Variants in PTPRD observed in about 807,000 individuals in gnomAD.
PTPRD encodes protein tyrosine phosphatase receptor type D.
In PTPRD, 34 loss-of-function variants were observed where a neutral mutation model predicts 214.5. The observed-to-expected ratio is 0.16, with a 90% CI of 0.12 to 0.21. PTPRD has a LOEUF of 0.21. Among genes scored for constraint, PTPRD ranks in the 10% least tolerant of loss-of-function variants. PTPRD has a pLI of 1.00. For missense variants in PTPRD, 2,545 were observed against 2,398.7 expected, an observed-to-expected ratio of 1.06 and a Z score of -1.27; for synonymous variants, 1,128 against 845.7, an observed-to-expected ratio of 1.33 and a Z score of -5.79.
intron 2 of PTPRD, among the ~76,000 whole-genome samples, chr9:10,414,674 A>G (rs2098470285): frequency 6.6e-6 from 1 of 151,966 alleles, no homozygotes; most frequent in South Asian, 2.1e-4. Context: ...AATAGCAAAG[A>G]CATGAAATTA....
chr9:10,386,922 A>G (rs1453144831), intron 2 of PTPRD, among the ~76,000 whole-genome samples: 2 of 151,794 alleles, frequency 1.3e-5, no homozygotes, highest in East Asian at 2.0e-4. Flanking sequence ...CCCAAAGGTC[A>G]TTACAAGATG....
rs749314092 is a variant in PTPRD, at chr9:10,063,441, G to A, written c.-544-29651C>T. Among the ~76,000 whole-genome samples, 84 of 152,082 alleles carry A rather than the reference G, an allele frequency of 5.5e-4. 2 individuals are homozygous for A. The highest frequency in any genetic ancestry group is 2.6e-4 in the Admixed American group (4 of 15,244). ...CATATAGTATAGTAAGAAAAAAAGC[G>A]TTATGAAGAGCAAAAAGAGAAATCT... On this transcript the variant is annotated intron_variant, in intron 3 of 45. Coordinates refer to ENST00000381196, the MANE Select transcript of PTPRD (RefSeq NM_002839.4).
intron 11 of PTPRD, among the ~76,000 whole-genome samples, chr9:8,748,574 T>G (rs907941937): frequency 7.3e-5 from 11 of 149,728 alleles, no homozygotes; most frequent in Admixed American, 2.0e-4. Flanking sequence ...TGCGCTTACT[T>G]CTTCCCGTAA....
chr9:9,442,292 T>C (rs2088339154), intron 8 of PTPRD: 1 of 152,282 alleles, frequency 6.6e-6, no homozygotes, highest in African/African-American at 2.4e-5. Context: ...TGCTGATCAG[T>C]AGAAGTCTGT....
At chr9:8,490,524 C>T (rs2097128705) in intron 27 of PTPRD, among the ~76,000 whole-genome samples, 1 of 152,140 alleles carries the variant, frequency 6.6e-6, no homozygotes, top group South Asian at 2.1e-4. Flanking sequence ...TTAAACATAG[C>T]TGTTCAATAT....
chr9:9,746,063 C>A, intron 6 of PTPRD, among the ~76,000 whole-genome samples: 1 of 152,138 alleles, frequency 6.6e-6, no homozygotes, highest in East Asian at 1.9e-4. Flanking sequence ...CAAGTTTCCT[C>A]AGGAAACCCA....
intron 16 of PTPRD, 82 bp from the exon 17 acceptor site, chr9:8,526,726 G>T: frequency 8.9e-7 from 1 of 1,128,276 alleles, no homozygotes; most frequent in Non-Finnish European, 1.3e-6. Context: ...CTGGGGAGAA[G>T]AATTAAATTA....
intron 10 of PTPRD, among the ~76,000 whole-genome samples, chr9:9,109,714 G>C (rs906617892): frequency 1.3e-5 from 2 of 151,994 alleles, no homozygotes; most frequent in Non-Finnish European, 2.9e-5. Context: ...TATTCTTCTT[G>C]GATGATATCT....
chr9:10,155,010 G>A (rs142542072), intron 3 of PTPRD, among the ~76,000 whole-genome samples: 51 of 152,038 alleles, frequency 3.4e-4, no homozygotes, highest in Middle Eastern at 6.8e-3. Flanking sequence ...CATAATAATA[G>A]TATTGAATCT....
intron 2 of PTPRD, among the ~76,000 whole-genome samples, chr9:10,402,529 T>C (rs2098286502): frequency 1.3e-5 from 2 of 151,766 alleles, no homozygotes; most frequent in Admixed American, 6.6e-5. Flanking sequence ...AAACATCTTG[T>C]GGTAAAAGTC....
chr9:10,446,530 A>G (rs1177643427), intron 2 of PTPRD, among the ~76,000 whole-genome samples: 1 of 151,244 alleles, frequency 6.6e-6, no homozygotes, highest in East Asian at 1.9e-4. Context: ...AGAAAATCAA[A>G]TAGTATAGAA....
intron 11 of PTPRD, among the ~76,000 whole-genome samples, chr9:8,752,250 C>T (rs1350940646): frequency 3.3e-5 from 5 of 152,114 alleles, no homozygotes; most frequent in Non-Finnish European, 7.4e-5. Context: ...AGGCAGCTTG[C>T]AGTAAAGAAG....
chr9:10,109,175 C>T (rs1385563639), intron 3 of PTPRD, among the ~76,000 whole-genome samples: 1 of 152,128 alleles, frequency 6.6e-6, no homozygotes, highest in Non-Finnish European at 1.5e-5. Flanking sequence ...AGGTTTTCTA[C>T]AAGCAAGTTC....
At chr9:9,823,759 A>G (rs1166434457) in intron 5 of PTPRD, among the ~76,000 whole-genome samples, 1 of 152,094 alleles carries the variant, frequency 6.6e-6, no homozygotes, top group Non-Finnish European at 1.5e-5. Flanking sequence ...GGATGGGTCC[A>G]AAAATACAGT....
At chr9:9,006,089 T>C (rs1336141203) in intron 11 of PTPRD, among the ~76,000 whole-genome samples, 1 of 151,992 alleles carries the variant, frequency 6.6e-6, no homozygotes, top group Admixed American at 6.6e-5. Context: ...ATGGCTGTTG[T>C]CTGGTTTAGA....
intron 43 of PTPRD, among the ~76,000 whole-genome samples, chr9:8,334,529 CATTTAAAGCAGTGTGTAGAGAGAA>C: frequency 7.2e-6 from 1 of 139,106 alleles, no homozygotes; most frequent in East Asian, 2.1e-4. Context: ...CTCTGGGACA[CATTTAAAGCAGTGTGTAGAGAGAA>C]ATTTATAGCA....
At chr9:9,487,546 C>T (rs894221601) in intron 8 of PTPRD, among the ~76,000 whole-genome samples, 4 of 141,860 alleles carry the variant, frequency 2.8e-5, no homozygotes, top group Non-Finnish European at 6.1e-5. Flanking sequence ...TTTATAGCAG[C>T]ATGATTCATT....
rs141361035 is a variant in PTPRD at position 9,887,718 on chromosome 9, G to A, written c.-368+50789C>T. Among the ~76,000 whole-genome samples, 1,016 of 152,204 alleles carry A rather than the reference G, an allele frequency of 6.7e-3. 8 individuals are homozygous for A. The highest frequency in any genetic ancestry group is 0.024 in the African/African-American group (976 of 41,520). ...ACTTCCTTAAAAGTATTTAATGGGA[G>A]GTGGAAAAATTAGAGAAAGCTAAAT... On this transcript the variant is annotated intron_variant, in intron 5 of 45. Transcript: ENST00000381196.
intron 5 of PTPRD, among the ~76,000 whole-genome samples, chr9:9,806,226 C>T (rs2099072168): frequency 6.6e-6 from 1 of 151,964 alleles, no homozygotes; most frequent in Non-Finnish European, 1.5e-5. Context: ...GATGGTCAGG[C>T]CGTTATCACA....
Sources: gnomAD v4.1 joint callset for allele counts (sites outside exome capture counted in the v4.1 genomes callset) on GRCh38, gnomAD v4.1.1 for gene constraint, MANE v1.5 for transcripts, NCBI Gene and HGNC (gene_info 2026-07-23, HGNC 2026-07-21) for gene names.